Variants in PAK1 observed in about 807,000 individuals in gnomAD.
PAK1 encodes serine/threonine-protein kinase PAK 1.
A neutral mutation model predicts 67.4 loss-of-function variants in PAK1; 29 were observed. The ratio of observed to expected loss-of-function variants is 0.43; its 90% CI spans 0.32 to 0.59. The LOEUF (loss-of-function observed/expected upper bound fraction) is 0.59, where lower values mean the gene tolerates loss of function less well. Ranked by LOEUF, PAK1 falls within the 20% of genes least tolerant of loss-of-function variation. PAK1 has a pLI of 0.07. For synonymous variants in PAK1, 223 were observed against 237.4 expected (o/e 0.94, Z 0.56); for missense variants, 337 against 670.7 (o/e 0.50, Z 5.50).
intron 1 of PAK1, among the ~76,000 whole-genome samples, chr11:77,460,308 A>G (rs1957281635): frequency 1.4e-5 from 2 of 146,460 alleles, no homozygotes; most frequent in African/African-American, 5.0e-5. Flanking sequence ...CTGTGGCTAT[A>G]AGGTTTTTTG....
chr11:77,505,920 C>T, the PAK1 span, among the ~76,000 whole-genome samples: 2 of 152,172 alleles, frequency 1.3e-5, no homozygotes, highest in Non-Finnish European at 1.5e-5. Flanking sequence ...CCAGGTCCGG[C>T]GCCAGGGACT....
At chr11:77,476,484 A>G (rs1214660417), upstream of PAK1, 2 of 151,818 alleles carry the variant, frequency 1.3e-5, no homozygotes, top group Admixed American at 1.3e-4. Flanking sequence ...TTCCATGACA[A>G]AAGGACTCTG....
At chr11:77,529,494 C>T in the PAK1 span, among the ~76,000 whole-genome samples, 2 of 152,282 alleles carry the variant, frequency 1.3e-5, no homozygotes, top group African/African-American at 4.8e-5. Context: ...TTATTTTAGT[C>T]TCAGTGATTC....
intron 14 of PAK1, among the ~76,000 whole-genome samples, chr11:77,328,818 C>A (rs1281118920): frequency 1.3e-5 from 2 of 152,056 alleles, no homozygotes; most frequent in African/African-American, 2.4e-5. Flanking sequence ...ACACAAAAAA[C>A]CCTTCAAAAA....
At chr11:77,365,564 G>A (rs1947437397) in intron 5 of PAK1, among the ~76,000 whole-genome samples, 1 of 152,130 alleles carries the variant, frequency 6.6e-6, no homozygotes, top group African/African-American at 2.4e-5. Context: ...TGGGAGCGGT[G>A]GCTCATGCCT....
chr11:77,434,431 A>G (rs1464251224), intron 1 of PAK1, among the ~76,000 whole-genome samples: 2 of 152,128 alleles, frequency 1.3e-5, no homozygotes, highest in Non-Finnish European at 2.9e-5. Context: ...TTAGGAGGAC[A>G]AAATATTCTT....
the PAK1 span, among the ~76,000 whole-genome samples, chr11:77,513,459 C>T: frequency 6.6e-6 from 1 of 151,874 alleles, no homozygotes; most frequent in South Asian, 2.1e-4. Context: ...AACTTGAGGC[C>T]AGTAGTTCGA....
intron 8 of PAK1, among the ~76,000 whole-genome samples, chr11:77,352,192 T>C (rs1472396642): frequency 1.3e-5 from 2 of 152,252 alleles, no homozygotes; most frequent in African/African-American, 2.4e-5. Flanking sequence ...CCCCCGAAGA[T>C]TCCTTCATGC....
chr11:77,408,532 TACACACACAC>T (rs377689850), intron 1 of PAK1, among the ~76,000 whole-genome samples: 14 of 137,944 alleles, frequency 1.0e-4, no homozygotes, highest in South Asian at 2.4e-4. Flanking sequence ...TATGGAGAAA[TACACACACAC>T]ACACACACAC....
intron 1 of PAK1, among the ~76,000 whole-genome samples, chr11:77,460,552 C>CTT (rs36038856): frequency 1.6e-4 from 23 of 145,090 alleles, no homozygotes; most frequent in Non-Finnish European, 2.3e-4. Flanking sequence ...CCCAGGAGCA[C>CTT]TTTTTTTTTT....
At chr11:77,372,791 T>C (rs927280829) in intron 5 of PAK1, among the ~76,000 whole-genome samples, 3 of 152,200 alleles carry the variant, frequency 2.0e-5, no homozygotes, top group African/African-American at 7.2e-5. Context: ...ATACATGCTA[T>C]TCTCTTTCTG....
intron 2 of PAK1, among the ~76,000 whole-genome samples, chr11:77,383,971 C>A (rs913154035): frequency 6.6e-6 from 1 of 152,138 alleles, no homozygotes; most frequent in Non-Finnish European, 1.5e-5. Flanking sequence ...CAGGGAAAGT[C>A]TGAGTTTCAA....
rs550579875 is a variant in PAK1 at position 77,341,078 on chromosome 11, T to C, written c.999-315A>G. ...AACACAAAGGAAGACATCCTAAAAT[T>C]AGAAAGACTGACATGATTCCCACAC... On this transcript the variant is annotated intron_variant, in intron 10 of 14. Coordinates refer to ENST00000356341, the MANE Select transcript of PAK1 (RefSeq NM_002576.5). 5.3e-5 allele frequency among the ~76,000 whole-genome samples: 8 copies of C among 152,256 alleles called. No homozygotes were observed. In the South Asian group the frequency reaches 1.2e-3, roughly 24 times the overall value.
At chr11:77,410,604 G>A (rs1300624889) in intron 1 of PAK1, among the ~76,000 whole-genome samples, 2 of 151,598 alleles carry the variant, frequency 1.3e-5, no homozygotes, top group Non-Finnish European at 2.9e-5. Context: ...CCAAGAGAGG[G>A]AAGGAAAGAC....
At position 77,322,050 on chromosome 11, in the gene PAK1, G is replaced by C. The variant is rs1206817069; in HGVS notation, c.*1224C>G. 4.7e-6 allele frequency: 1 copy of C among 211,202 alleles called. No individual in the cohort carries two copies. Among genetic ancestry groups the C allele is most frequent in the Non-Finnish European group, 9.6e-6 (1 of 103,934 alleles). The allele number at this position is 211,202 out of a possible 1,614,324, so 13.1% of individuals were successfully genotyped here. A position where few individuals can be genotyped will look rare whatever the true frequency, so the allele number is the denominator to read the frequency against. ...TCATCTCCTTTTATTGACAGAAATA[G>C]AAATTTGTGCTGCAGAGGCAGTAGT... is the stretch of plus-strand genomic sequence containing the variant. On this transcript the variant is annotated 3_prime_UTR_variant, in exon 15 of 15. Transcript: ENST00000356341.
chr11:77,394,083 TCC>T (rs1288333952), intron 1 of PAK1, among the ~76,000 whole-genome samples: 1 of 152,200 alleles, frequency 6.6e-6, no homozygotes, highest in East Asian at 1.9e-4. Flanking sequence ...TAAATAAACG[TCC>T]TTGACAATGG....
At chr11:77,520,874 T>C in the PAK1 span, among the ~76,000 whole-genome samples, 1 of 152,116 alleles carries the variant, frequency 6.6e-6, no homozygotes, top group East Asian at 1.9e-4. Context: ...TGTCGCTCTT[T>C]CTCTCTTCCA....
intron 14 of PAK1, among the ~76,000 whole-genome samples, chr11:77,327,022 G>C (rs182012130): frequency 6.6e-6 from 1 of 152,314 alleles, no homozygotes; most frequent in Non-Finnish European, 1.5e-5. Context: ...TCAACTGGAA[G>C]AAAGGGTATC....
chr11:77,464,966 T>C (rs370289058), intron 1 of PAK1, among the ~76,000 whole-genome samples: 9 of 151,344 alleles, frequency 5.9e-5, no homozygotes, highest in South Asian at 2.1e-4. Flanking sequence ...ACCAGCTGTA[T>C]TGGATTGGTA....
Sources: gnomAD v4.1 joint callset for allele counts (sites outside exome capture counted in the v4.1 genomes callset) on GRCh38, gnomAD v4.1.1 for gene constraint, MANE v1.5 for transcripts, NCBI Gene and HGNC (gene_info 2026-07-23, HGNC 2026-07-21) for gene names.